The following ROBO1 variants were observed in gnomAD, a reference collection of about 807,000 sequenced individuals.
The protein encoded by ROBO1 is roundabout guidance receptor 1.
Under a neutral mutation model 195.9 loss-of-function variants are expected in ROBO1, and 149 were observed. The ratio of observed to expected loss-of-function variants is 0.76; its 90% CI spans 0.67 to 0.87. ROBO1 has a LOEUF of 0.87. Among genes scored for constraint, ROBO1 ranks in the 40% least tolerant of loss-of-function variants. The pLI is 0.00. For synonymous variants in ROBO1, 816 were observed against 733.2 expected, an observed-to-expected ratio of 1.11 and a Z score of -1.82; for missense variants, 1,933 against 2,068.3, an observed-to-expected ratio of 0.93 and a Z score of 1.27.
chr3:78,994,662 T>G, intron 3 of ROBO1, among the ~76,000 whole-genome samples: 1 of 152,188 alleles, frequency 6.6e-6, no homozygotes, highest in East Asian at 1.9e-4. Flanking sequence ...AGTCATTTGT[T>G]CTCTGTACTC....
At chr3:79,121,111 A>C (rs1021289718) in intron 3 of ROBO1, among the ~76,000 whole-genome samples, 2 of 152,118 alleles carry the variant, frequency 1.3e-5, no homozygotes, top group Non-Finnish European at 2.9e-5. Flanking sequence ...TAATAATAGC[A>C]CTGTCTTAGA....
At chr3:78,645,435 G>T (rs1706217826) in intron 21 of ROBO1, among the ~76,000 whole-genome samples, 1 of 128,702 alleles carries the variant, frequency 7.8e-6, no homozygotes, top group Admixed American at 8.4e-5. Context: ...CTGTAAGCTA[G>T]ATGTTACTGT....
intron 3 of ROBO1, among the ~76,000 whole-genome samples, chr3:79,085,087 C>T (rs1005471722): frequency 1.3e-5 from 2 of 152,058 alleles, no homozygotes; most frequent in Admixed American, 6.6e-5. Flanking sequence ...TGAAGAGACA[C>T]TGTTTGAGAA....
rs778007962 is a variant in ROBO1, at chr3:78,938,609, T to TC, written c.490dup (p.Glu164GlyfsTer8). On this transcript the variant is annotated frameshift_variant, in exon 4 of 31. Coordinates refer to ENST00000464233, the MANE Select transcript of ROBO1 (RefSeq NM_002941.4). LOFTEE classifies it high-confidence loss of function. ...GCGCCCAGTTTACTTACTGGCTACT[T>TC]CCAGCGATGCATTGTGGCTCACAGC... 1 of 1,606,908 alleles carries TC rather than the reference T, an allele frequency of 6.2e-7. No individual in the cohort carries two copies. Among genetic ancestry groups the TC allele is most frequent in the Non-Finnish European group, 8.5e-7 (1 of 1,174,532 alleles).
chr3:79,326,226 G>A (rs995685723), intron 2 of ROBO1, among the ~76,000 whole-genome samples: 8 of 151,998 alleles, frequency 5.3e-5, no homozygotes, highest in Admixed American at 2.0e-4. Context: ...CTGTGAACTC[G>A]CCCTGCCTCC....
chr3:78,966,985 G>A (rs979098200), intron 3 of ROBO1, among the ~76,000 whole-genome samples: 1 of 152,048 alleles, frequency 6.6e-6, no homozygotes, highest in Admixed American at 6.6e-5. Flanking sequence ...AATAAAACTG[G>A]AATGAAAACT....
At chr3:78,794,224 C>A (rs1168341878) in intron 4 of ROBO1, among the ~76,000 whole-genome samples, 1 of 152,138 alleles carries the variant, frequency 6.6e-6, no homozygotes, top group African/African-American at 2.4e-5. Flanking sequence ...CACTTAGCCT[C>A]TCTTTATCTC....
At chr3:79,128,107 A>T (rs557535541) in intron 2 of ROBO1, among the ~76,000 whole-genome samples, 1 of 152,204 alleles carries the variant, frequency 6.6e-6, no homozygotes, top group Non-Finnish European at 1.5e-5. Flanking sequence ...ACATTTACTT[A>T]AATTTTTGGT....
chr3:78,885,157 A>C (rs1669775486), intron 4 of ROBO1, among the ~76,000 whole-genome samples: 1 of 152,130 alleles, frequency 6.6e-6, no homozygotes, highest in African/African-American at 2.4e-5. Flanking sequence ...CTAACACAGG[A>C]ACAGAAAACC....
At chr3:79,018,846 G>A in intron 3 of ROBO1, 2 of 1,006,476 alleles carry the variant, frequency 2.0e-6, no homozygotes, top group Non-Finnish European at 2.4e-6. Context: ...CGCTGCGAGG[G>A]CAGGCGCGGC....
intron 4 of ROBO1, among the ~76,000 whole-genome samples, chr3:78,885,564 T>C (rs1047736850): frequency 3.3e-5 from 5 of 150,524 alleles, no homozygotes; most frequent in East Asian, 2.0e-4. Context: ...ACAATAACAA[T>C]AGCAAGAACA....
chr3:79,392,043 T>G (rs2036973629), intron 2 of ROBO1, among the ~76,000 whole-genome samples: 1 of 152,170 alleles, frequency 6.6e-6, no homozygotes, highest in Admixed American at 6.5e-5. Context: ...GGACCAGAAG[T>G]CCAGATCTCT....
At chr3:79,641,858 A>C (rs1316245044) in intron 1 of ROBO1, among the ~76,000 whole-genome samples, 1 of 151,986 alleles carries the variant, frequency 6.6e-6, no homozygotes, top group Non-Finnish European at 1.5e-5. Context: ...TCTCTATAAA[A>C]ATATACAAAA....
chr3:78,704,661 CA>C lies in ROBO1; in HGVS notation c.1045+9735del, dbSNP rs1160098731. Among the ~76,000 whole-genome samples the C allele has an allele frequency of 5.1e-3, 315 of 61,682 alleles. 1 individual carries two copies. Among genetic ancestry groups the C allele is most frequent in the Middle Eastern group, 0.024 (2 of 84 alleles). The allele number at this position is 61,682 out of a possible 152,430, so 40.5% of individuals were successfully genotyped here. ...ACAACATAGTGAGACCTCATCTCTC[CA>C]AAAAAAAAAAAAAAAAAAAAGGAAA... On this transcript the variant is annotated intron_variant, in intron 8 of 30. Transcript: ENST00000464233.
At chr3:79,689,080 T>G (rs1947224850) in intron 1 of ROBO1, among the ~76,000 whole-genome samples, 1 of 151,988 alleles carries the variant, frequency 6.6e-6, no homozygotes, top group African/African-American at 2.4e-5. Flanking sequence ...ACGCGTTTTT[T>G]ATATATAGTC....
intron 2 of ROBO1, among the ~76,000 whole-genome samples, chr3:79,511,675 G>T (rs918569553): frequency 3.9e-5 from 6 of 152,054 alleles, no homozygotes; most frequent in Non-Finnish European, 5.9e-5. Flanking sequence ...CAACCTAAAT[G>T]CCCATCAATG....
chr3:79,266,012 C>T (rs1489844), intron 2 of ROBO1, among the ~76,000 whole-genome samples: 14,556 of 151,300 alleles, frequency 0.096, 766 homozygotes, highest in East Asian at 0.13. Flanking sequence ...GTAATGAGTA[C>T]ATAAAATTTT....
chr3:79,107,005 T>C (rs1461324568), intron 3 of ROBO1, among the ~76,000 whole-genome samples: 1 of 151,552 alleles, frequency 6.6e-6, no homozygotes, highest in Non-Finnish European at 1.5e-5. Context: ...AATATATCAT[T>C]TATAAGGTAA....
chr3:78,836,031 T>G (rs1287763480), intron 4 of ROBO1, among the ~76,000 whole-genome samples: 1 of 152,200 alleles, frequency 6.6e-6, no homozygotes, highest in East Asian at 1.9e-4. Flanking sequence ...ATAAAATACA[T>G]GATTGGACAA....
Sources: allele counts gnomAD v4.1 joint callset (sites outside exome capture counted in the v4.1 genomes callset), GRCh38; gene constraint gnomAD v4.1.1; transcripts MANE v1.5; gene names NCBI Gene and HGNC (gene_info 2026-07-23, HGNC 2026-07-21).